CNTN6: variants seen among roughly 807,000 people sequenced by gnomAD.
CNTN6 encodes contactin 6, also known as contactin-6.
In CNTN6, 137 loss-of-function variants were observed where a neutral mutation model predicts 122.8. The ratio of observed to expected loss-of-function variants is 1.12; its 90% CI spans 0.97 to 1.29. The LOEUF (loss-of-function observed/expected upper bound fraction) is 1.29, where lower values mean the gene tolerates loss of function less well. CNTN6 is among the 50% of genes most tolerant of loss of function. CNTN6 has a pLI of 0.00. For synonymous variants in CNTN6, 570 were observed against 426.0 expected, an observed-to-expected ratio of 1.34 and a Z score of -4.16; for missense variants, 1,634 against 1,223.4, an observed-to-expected ratio of 1.34 and a Z score of -5.01.
At chr3:1,190,651 A>C (rs1348671799) in intron 2 of CNTN6, among the ~76,000 whole-genome samples, 1 of 152,322 alleles carries the variant, frequency 6.6e-6, no homozygotes, top group East Asian at 1.9e-4. Flanking sequence ...AAAGAAAAAA[A>C]GCTGTAAGAG....
At chr3:1,239,961 G>C (rs2094462440) in intron 4 of CNTN6, among the ~76,000 whole-genome samples, 2 of 152,146 alleles carry the variant, frequency 1.3e-5, no homozygotes, top group South Asian at 4.1e-4. Flanking sequence ...TGGGATCATT[G>C]AAAAGCCCAG....
intron 1 of CNTN6, among the ~76,000 whole-genome samples, chr3:1,110,322 T>C (rs1341459510): frequency 6.6e-6 from 1 of 152,084 alleles, no homozygotes; most frequent in African/African-American, 2.4e-5. Context: ...CTTTTTTTGA[T>C]TGAAGAAACC....
chr3:1,095,737 A>G (rs144692645), intron 1 of CNTN6, among the ~76,000 whole-genome samples: 11 of 152,346 alleles, frequency 7.2e-5, no homozygotes, highest in African/African-American at 2.6e-4. Flanking sequence ...AACCCTTGTT[A>G]TGATAGTTAA....
chr3:1,130,044 T>C (rs974919705), intron 1 of CNTN6, among the ~76,000 whole-genome samples: 2 of 152,082 alleles, frequency 1.3e-5, no homozygotes, highest in Admixed American at 1.3e-4. Context: ...GATTTATCTA[T>C]TAAAAGTCCT....
intron 2 of CNTN6, among the ~76,000 whole-genome samples, chr3:1,174,424 A>G (rs1371111583): frequency 6.6e-6 from 1 of 152,202 alleles, no homozygotes; most frequent in Non-Finnish European, 1.5e-5. Flanking sequence ...TCTGAAACTC[A>G]AACGGAAATT....
At chr3:1,383,974 C>G (rs1692345720) in intron 19 of CNTN6, among the ~76,000 whole-genome samples, 1 of 150,974 alleles carries the variant, frequency 6.6e-6, no homozygotes, top group Non-Finnish European at 1.5e-5. Context: ...TAGCCTCTTC[C>G]CTGTTTCAGT....
chr3:1,392,578 C>G (rs1484442128), intron 20 of CNTN6, among the ~76,000 whole-genome samples: 1 of 145,632 alleles, frequency 6.9e-6, no homozygotes, highest in Non-Finnish European at 1.5e-5. Flanking sequence ...AACTAAAGAG[C>G]TTCTGCACAG....
chr3:1,354,959 G>T lies in CNTN6; in HGVS notation c.1492+2508G>T, dbSNP rs181859928. On this transcript the variant is annotated intron_variant, in intron 12 of 22. Transcript: ENST00000446702. Reference sequence around the variant, plus strand: ...AACCTACATCGAAATCCAAAAATTCGTGAAGAGAATTCATTGTTTTGGTAT... The same window carrying T: ...AACCTACATCGAAATCCAAAAATTCTTGAAGAGAATTCATTGTTTTGGTAT... Among the ~76,000 whole-genome samples, 72 of 151,596 alleles carry T rather than the reference G, an allele frequency of 4.7e-4. 1 individual carries two copies. The highest frequency in any genetic ancestry group is 4.7e-3 in the Admixed American group (71 of 15,168).
chr3:1,263,304 C>T (rs530445711), intron 4 of CNTN6, among the ~76,000 whole-genome samples: 1 of 152,278 alleles, frequency 6.6e-6, no homozygotes, highest in Non-Finnish European at 1.5e-5. Flanking sequence ...ACTATGTGAA[C>T]ACTCTTTTTA....
chr3:1,154,417 G>A (rs1384829726), intron 2 of CNTN6, among the ~76,000 whole-genome samples: 2 of 150,362 alleles, frequency 1.3e-5, no homozygotes, highest in Non-Finnish European at 3.0e-5. Context: ...TAGCATGGAA[G>A]GATTCATAAT....
intron 1 of CNTN6, among the ~76,000 whole-genome samples, chr3:1,127,811 C>T (rs549463328): frequency 4.3e-4 from 66 of 151,886 alleles, no homozygotes; most frequent in African/African-American, 1.3e-3. Flanking sequence ...TCGGCCAAAG[C>T]AACAATTGAT....
chr3:1,397,220 GA>G (rs1030214346), intron 20 of CNTN6, among the ~76,000 whole-genome samples: 69 of 151,292 alleles, frequency 4.6e-4, no homozygotes, highest in Non-Finnish European at 7.8e-4. Flanking sequence ...CCTAAAACAA[GA>G]AAAAAAGACA....
intron 1 of CNTN6, among the ~76,000 whole-genome samples, chr3:1,111,050 C>T (rs1438185696): frequency 6.6e-6 from 1 of 152,106 alleles, no homozygotes; most frequent in African/African-American, 2.4e-5. Flanking sequence ...ATAGTTGTCC[C>T]ACCTCATATG....
At chr3:1,222,114 G>GA (rs2094215162) in intron 3 of CNTN6, among the ~76,000 whole-genome samples, 1 of 152,108 alleles carries the variant, frequency 6.6e-6, no homozygotes, top group Non-Finnish European at 1.5e-5. Flanking sequence ...CAAAGGAGCT[G>GA]AAAAACCATG....
chr3:1,251,224 A>C (rs73818514), intron 4 of CNTN6, among the ~76,000 whole-genome samples: 1,933 of 152,136 alleles, frequency 0.013, 38 homozygotes, highest in African/African-American at 0.044. Flanking sequence ...CCACGCTGCT[A>C]AGATGACTCT....
At chr3:1,252,551 A>G (rs771977490) in intron 4 of CNTN6, among the ~76,000 whole-genome samples, 9 of 152,240 alleles carry the variant, frequency 5.9e-5, no homozygotes, top group African/African-American at 1.2e-4. Context: ...AAATAATACA[A>G]CAAACACTTT....
chr3:1,126,476 C>T (rs1217467827), intron 1 of CNTN6, among the ~76,000 whole-genome samples: 1 of 151,754 alleles, frequency 6.6e-6, no homozygotes, highest in Non-Finnish European at 1.5e-5. Flanking sequence ...TCATTATACC[C>T]CAGGTCACTG....
chr3:1,306,953 A>G (rs1173678142), intron 7 of CNTN6, among the ~76,000 whole-genome samples: 1 of 152,196 alleles, frequency 6.6e-6, no homozygotes, highest in Non-Finnish European at 1.5e-5. Flanking sequence ...AATTGAGCAC[A>G]AATTATTCAT....
rs192546937 is a variant in CNTN6, at chr3:1,262,056, G to A, written c.359-16357G>A. Among the ~76,000 whole-genome samples, 6 of 152,204 alleles carry A rather than the reference G, an allele frequency of 3.9e-5. No homozygotes were observed. The East Asian group carries it at 9.7e-4, about 24-fold the overall frequency. ...GAGACAACTGGACAGTGATCTCCTG[G>A]ATTAATTATTATACTGAAGATGATA... On this transcript the variant is annotated intron_variant, in intron 4 of 22. Transcript: ENST00000446702.
Sources: gnomAD v4.1 joint callset for allele counts (sites outside exome capture counted in the v4.1 genomes callset) on GRCh38, gnomAD v4.1.1 for gene constraint, MANE v1.5 for transcripts, NCBI Gene and HGNC (gene_info 2026-07-23, HGNC 2026-07-21) for gene names.